HECW1: variants seen among roughly 807,000 people sequenced by gnomAD.
HECW1 encodes HECT, C2 and WW domain containing E3 ubiquitin protein ligase 1.
A neutral mutation model predicts 182.3 loss-of-function variants in HECW1; 61 were observed. That is an observed-to-expected ratio of 0.33 (90% CI 0.27 to 0.41). HECW1 has a LOEUF of 0.41. Among genes scored for constraint, HECW1 ranks in the 10% least tolerant of loss-of-function variants. The pLI, the probability that HECW1 is intolerant of heterozygous loss-of-function variation, is 1.00. For missense variants in HECW1, 1,739 were observed against 2,108.9 expected, an observed-to-expected ratio of 0.82 and a Z score of 3.44; for synonymous variants, 859 against 832.6, an observed-to-expected ratio of 1.03 and a Z score of -0.55.
At chr7:43,358,657 AAAT>A (rs1405172720) in intron 5 of HECW1, among the ~76,000 whole-genome samples, 1 of 152,132 alleles carries the variant, frequency 6.6e-6, no homozygotes, top group Non-Finnish European at 1.5e-5. Context: ...AATGAAACAA[AAAT>A]AATAATCGGA....
chr7:43,217,789 C>T (rs1388667630), intron 2 of HECW1, among the ~76,000 whole-genome samples: 1 of 152,228 alleles, frequency 6.6e-6, no homozygotes, highest in Non-Finnish European at 1.5e-5. Context: ...TTAACACCCA[C>T]CACTCATGTC....
intron 24 of HECW1, among the ~76,000 whole-genome samples, chr7:43,517,978 A>G (rs181795341): frequency 6.6e-6 from 1 of 152,360 alleles, no homozygotes; most frequent in Admixed American, 6.5e-5. Flanking sequence ...TAATGATGCC[A>G]GTACTGTAAC....
chr7:43,417,079 T>C (rs2076034385), intron 8 of HECW1, among the ~76,000 whole-genome samples: 1 of 152,202 alleles, frequency 6.6e-6, no homozygotes, highest in African/African-American at 2.4e-5. Context: ...AGGCGGAGTT[T>C]CACTCTGGTC....
chr7:43,415,388 C>T (rs1379588329), intron 8 of HECW1, among the ~76,000 whole-genome samples: 44 of 144,396 alleles, frequency 3.0e-4, no homozygotes, highest in Non-Finnish European at 6.3e-4. Context: ...GGGTTTCTGC[C>T]GAGAGATCCG....
chr7:43,455,705 A>T (rs2152888084), intron 12 of HECW1, among the ~76,000 whole-genome samples: 1 of 152,356 alleles, frequency 6.6e-6, no homozygotes, highest in East Asian at 1.9e-4. Context: ...ACACCATCAC[A>T]CCATCACGGG....
At chr7:43,530,609 A>G (rs1029757933) in intron 24 of HECW1, among the ~76,000 whole-genome samples, 9 of 152,262 alleles carry the variant, frequency 5.9e-5, no homozygotes, top group South Asian at 2.1e-4. Context: ...TTCTCTCCAT[A>G]CTAACATATG....
chr7:43,355,992 AT>A (rs144597015), intron 5 of HECW1, among the ~76,000 whole-genome samples: 15,408 of 152,058 alleles, frequency 0.1, 1,018 homozygotes, highest in East Asian at 0.22. Context: ...CGTTAAAAAA[AT>A]AAATAAAATG....
chr7:43,390,877 GC>G (rs2075002298), intron 6 of HECW1, among the ~76,000 whole-genome samples: 1 of 152,102 alleles, frequency 6.6e-6, no homozygotes, highest in East Asian at 1.9e-4. Flanking sequence ...GTAACAAAGA[GC>G]CCACCAAGAG....
chr7:43,369,438 A>T (rs1351953916), intron 6 of HECW1, among the ~76,000 whole-genome samples: 1 of 152,196 alleles, frequency 6.6e-6, no homozygotes, highest in East Asian at 1.9e-4. Context: ...AGCCTGGGCT[A>T]CAAGAGTGAG....
chr7:43,135,165 G>T (rs1406255411), intron 2 of HECW1, among the ~76,000 whole-genome samples: 1 of 152,004 alleles, frequency 6.6e-6, no homozygotes, highest in Non-Finnish European at 1.5e-5. Flanking sequence ...CTTAATTTGG[G>T]AATGGTCTCT....
At chr7:43,311,670 G>A in intron 3 of HECW1, 93 bp from the exon 4 acceptor site, 2 of 1,138,766 alleles carry the variant, frequency 1.8e-6, no homozygotes, top group East Asian at 2.3e-5. Context: ...CTCACAGCGC[G>A]TGTCTCCCAG....
Position 43,445,357 on chromosome 7 carries a change from G to C in HECW1, c.2185G>C (p.Glu729Gln), listed in dbSNP as rs369348156. Reference sequence around the variant, plus strand: ...CTCCGTGGACAGCGCCAAGATCTCCGAGAGCACGGTCTTCTCCTCGCAAGA... The same window carrying C: ...CTCCGTGGACAGCGCCAAGATCTCCCAGAGCACGGTCTTCTCCTCGCAAGA... ...FSSVDSAKIS[E>Q]STVFSSQDDE... The change falls in exon 11 of 30, where the codon GAG becomes CAG. Residue 729 changes from glutamate (E) to glutamine (Q), a missense_variant. Coordinates refer to ENST00000395891, the MANE Select transcript of HECW1 (RefSeq NM_015052.5). 4 of 1,613,770 alleles carry C rather than the reference G, an allele frequency of 2.5e-6. No homozygotes were observed. Among genetic ancestry groups the C allele is most frequent in the African/African-American group, 1.3e-5 (1 of 75,068 alleles).
chr7:43,397,198 C>T lies in HECW1; in HGVS notation c.631+309C>T, dbSNP rs569190773. Reference sequence around the variant, plus strand: ...ATATACAAGGGGAAGTAAGGAAAACCTGGGAAGAGAAGCAGCTATTCAACT... The same window carrying T: ...ATATACAAGGGGAAGTAAGGAAAACTTGGGAAGAGAAGCAGCTATTCAACT... On this transcript the variant is annotated intron_variant, in intron 7 of 29. Coordinates refer to ENST00000395891, the MANE Select transcript of HECW1 (RefSeq NM_015052.5). 1.2e-3 allele frequency among the ~76,000 whole-genome samples: 186 copies of T among 152,136 alleles called. 1 individual carries two copies. Among genetic ancestry groups the T allele is most frequent in the Admixed American group, 5.0e-3 (77 of 15,280 alleles).
intron 2 of HECW1, among the ~76,000 whole-genome samples, chr7:43,228,947 G>A (rs6978271): frequency 0.2 from 30,457 of 152,014 alleles, 3,760 homozygotes; most frequent in Non-Finnish European, 0.27. Context: ...GGTTAACAGT[G>A]GTAGATTCTG....
intron 3 of HECW1, among the ~76,000 whole-genome samples, chr7:43,287,938 TG>T (rs1269164987): frequency 1.3e-5 from 2 of 152,292 alleles, no homozygotes; most frequent in Non-Finnish European, 2.9e-5. Context: ...TCTACGGAGA[TG>T]GGGAAGAGCA....
At chr7:43,302,919 C>T (rs952220403) in intron 3 of HECW1, among the ~76,000 whole-genome samples, 1 of 149,222 alleles carries the variant, frequency 6.7e-6, no homozygotes, top group Non-Finnish European at 1.5e-5. Flanking sequence ...TACACACACA[C>T]CACACACACC....
chr7:43,164,819 C>CGA (rs1441017094), intron 2 of HECW1, among the ~76,000 whole-genome samples: 1 of 152,190 alleles, frequency 6.6e-6, no homozygotes, highest in African/African-American at 2.4e-5. Flanking sequence ...AAGGAGATGC[C>CGA]GAGCATGCAG....
rs1245692856 is a variant in HECW1 at position 43,502,000 on chromosome 7, A to G, written c.3631+678A>G. 2.0e-5 allele frequency among the ~76,000 whole-genome samples: 3 copies of G among 152,174 alleles called. No homozygotes were observed. The East Asian group carries it at 5.8e-4, about 29-fold the overall frequency. ...TTCACACCAGACTTGAGTAATAGCA[A>G]CAGAAACCACATGGTCTGCAAAGCC... On this transcript the variant is annotated intron_variant, in intron 21 of 29. Coordinates refer to ENST00000395891, the MANE Select transcript of HECW1 (RefSeq NM_015052.5).
intron 2 of HECW1, among the ~76,000 whole-genome samples, chr7:43,176,682 C>T (rs1247325190): frequency 6.6e-6 from 1 of 152,208 alleles, no homozygotes; most frequent in Non-Finnish European, 1.5e-5. Flanking sequence ...TAGGTTAACC[C>T]ATGCATGAGG....
Sources: gnomAD v4.1 joint callset for allele counts (sites outside exome capture counted in the v4.1 genomes callset) on GRCh38, gnomAD v4.1.1 for gene constraint, MANE v1.5 for transcripts, NCBI Gene and HGNC (gene_info 2026-07-23, HGNC 2026-07-21) for gene names.